Variants in PPP6R3 observed in about 807,000 individuals in gnomAD.
The protein encoded by PPP6R3 is protein phosphatase 6 regulatory subunit 3.
In PPP6R3, 38 loss-of-function variants were observed where a neutral mutation model predicts 110.7. The observed-to-expected ratio is 0.34, with a 90% CI of 0.26 to 0.45. The LOEUF (loss-of-function observed/expected upper bound fraction) is 0.45. Among genes scored for constraint, PPP6R3 ranks in the 20% least tolerant of loss-of-function variants. The probability of loss-of-function intolerance (pLI) is 1.00; values close to 1 mark genes in which losing one functional copy is unlikely to be tolerated. For missense variants in PPP6R3, 870 were observed against 1,062.4 expected, an observed-to-expected ratio of 0.82 and a Z score of 2.52; for synonymous variants, 369 against 373.5, an observed-to-expected ratio of 0.99 and a Z score of 0.14.
At chr11:68,579,325 A>T (rs1163464455) in intron 14 of PPP6R3, among the ~76,000 whole-genome samples, 1 of 152,238 alleles carries the variant, frequency 6.6e-6, no homozygotes, top group African/African-American at 2.4e-5. Flanking sequence ...GAACCTAATC[A>T]TCCAAAGTAA....
intron 1 of PPP6R3, among the ~76,000 whole-genome samples, chr11:68,500,971 G>A (rs1030084902): frequency 6.6e-6 from 1 of 152,188 alleles, no homozygotes; most frequent in African/African-American, 2.4e-5. Flanking sequence ...TTTTCTGTGT[G>A]TACGGGAGGC....
At chr11:68,533,885 C>T (rs1250216446) in intron 2 of PPP6R3, among the ~76,000 whole-genome samples, 3 of 152,094 alleles carry the variant, frequency 2.0e-5, no homozygotes, top group Non-Finnish European at 2.9e-5. Context: ...AGCACACGGG[C>T]TCTGCTACAG....
In PPP6R3 at chr11:68,615,086, GGGAC is replaced by G. The variant is rs778937286; in HGVS notation, c.*1970_*1973del. On this transcript the variant is annotated 3_prime_UTR_variant, in exon 24 of 24. Coordinates refer to ENST00000393800, the MANE Select transcript of PPP6R3 (RefSeq NM_001164161.2). ...CACTGACTGCTGGGAGAGAGCCTCT[GGGAC>G]TTTTCTTTGGGGCATCATTTTGTTT... 4.3e-5 allele frequency: 20 copies of G among 468,936 alleles called. No individual in the cohort carries two copies. Among genetic ancestry groups the G allele is most frequent in the Non-Finnish European group, 7.2e-5 (17 of 235,446 alleles). 29.0% of individuals were successfully genotyped at this position (468,936 alleles called of 1,614,324 possible).
At chr11:68,532,867 G>T (rs1246807748) in intron 2 of PPP6R3, among the ~76,000 whole-genome samples, 1 of 152,230 alleles carries the variant, frequency 6.6e-6, no homozygotes, top group African/African-American at 2.4e-5. Context: ...TAGCCTAGGT[G>T]TGTAGTAGGC....
chr11:68,532,060 T>C (rs1592658503), intron 2 of PPP6R3, among the ~76,000 whole-genome samples: 1 of 152,348 alleles, frequency 6.6e-6, no homozygotes, highest in East Asian at 1.9e-4. Context: ...CTCTTATAAA[T>C]AATTTAGCCA....
chr11:68,595,749 G>A (rs1276324143), intron 18 of PPP6R3, among the ~76,000 whole-genome samples: 1 of 152,164 alleles, frequency 6.6e-6, no homozygotes, highest in African/African-American at 2.4e-5. Context: ...ATATAAGATG[G>A]CAAATAAGCA....
intron 1 of PPP6R3, among the ~76,000 whole-genome samples, chr11:68,494,094 C>T (rs2099000653): frequency 8.7e-6 from 1 of 115,234 alleles, no homozygotes; most frequent in Non-Finnish European, 1.7e-5. Flanking sequence ...CTGAGCGAGA[C>T]TCCATCTCAA....
At chr11:68,576,168 C>T (rs2153806924) in intron 14 of PPP6R3, 125 bp downstream of exon 14, 3 of 679,296 alleles carry the variant, frequency 4.4e-6, no homozygotes, top group Non-Finnish European at 7.2e-6. Flanking sequence ...ATTCTTATCT[C>T]TTTACCAGGG....
intron 2 of PPP6R3, among the ~76,000 whole-genome samples, chr11:68,521,567 T>C (rs2099164396): frequency 6.6e-6 from 1 of 152,158 alleles, no homozygotes; most frequent in Non-Finnish European, 1.5e-5. Context: ...AGTCCTAGAA[T>C]CAATGCCAGG....
chr11:68,480,802 A>G (rs2098902699), intron 1 of PPP6R3, among the ~76,000 whole-genome samples: 1 of 152,196 alleles, frequency 6.6e-6, no homozygotes, highest in Non-Finnish European at 1.5e-5. Context: ...TTTTGCTAAG[A>G]GTTAGCAAAT....
chr11:68,584,938 AG>A (rs1381195160), intron 15 of PPP6R3, among the ~76,000 whole-genome samples: 1 of 152,238 alleles, frequency 6.6e-6, no homozygotes, highest in Non-Finnish European at 1.5e-5. Flanking sequence ...AATGCAAAAA[AG>A]GTCTTGGTTA....
At chr11:68,577,873 A>G (rs1374591910) in intron 14 of PPP6R3, among the ~76,000 whole-genome samples, 2 of 152,236 alleles carry the variant, frequency 1.3e-5, no homozygotes, top group Non-Finnish European at 2.9e-5. Context: ...TCTAAAGTCA[A>G]ACAAAATCAT....
intron 1 of PPP6R3, among the ~76,000 whole-genome samples, chr11:68,502,810 G>A (rs1460881869): frequency 2.6e-5 from 4 of 152,210 alleles, no homozygotes; most frequent in Admixed American, 6.5e-5. Context: ...CCATTTTGGA[G>A]ATTAAATACC....
At chr11:68,485,285 T>C (rs935588204) in intron 1 of PPP6R3, among the ~76,000 whole-genome samples, 10 of 144,264 alleles carry the variant, frequency 6.9e-5, no homozygotes, top group Non-Finnish European at 1.1e-4. Context: ...TTTTTTTTTT[T>C]TTTTTTTCAA....
In PPP6R3 at chr11:68,545,197, A is replaced by G. The variant is rs2099344742; in HGVS notation, c.414+173A>G. Reference sequence around the variant, plus strand: ...CTCACATACTATTTGTATGTTAATGAATATTTCTAATATGGCATAATCTCA... The same window carrying G: ...CTCACATACTATTTGTATGTTAATGGATATTTCTAATATGGCATAATCTCA... On this transcript the variant is annotated intron_variant, in intron 4 of 23. Transcript: ENST00000393800. Among the ~76,000 whole-genome samples the G allele has an allele frequency of 2.0e-5, 3 of 152,208 alleles. No individual in the cohort carries two copies. The South Asian group carries it at 6.2e-4, about 31-fold the overall frequency.
intron 8 of PPP6R3, among the ~76,000 whole-genome samples, chr11:68,563,338 G>T (rs2099435385): frequency 6.6e-6 from 1 of 152,108 alleles, no homozygotes; most frequent in Admixed American, 6.5e-5. Context: ...GCATTCCTTG[G>T]CTTGTGACCC....
chr11:68,499,239 G>A (rs2099035317), intron 1 of PPP6R3, among the ~76,000 whole-genome samples: 1 of 152,102 alleles, frequency 6.6e-6, no homozygotes, highest in Non-Finnish European at 1.5e-5. Flanking sequence ...ACTTGGGAGT[G>A]GCATGGTTGT....
intron 1 of PPP6R3, among the ~76,000 whole-genome samples, chr11:68,502,381 C>T (rs1260399089): frequency 1.3e-5 from 2 of 151,952 alleles, no homozygotes; most frequent in African/African-American, 2.4e-5. Context: ...GCTCAAAAGC[C>T]GTATGTGGCC....
chr11:68,585,305 C>T (rs1196047111), intron 15 of PPP6R3, among the ~76,000 whole-genome samples: 1 of 152,218 alleles, frequency 6.6e-6, no homozygotes, highest in African/African-American at 2.4e-5. Flanking sequence ...GAAACACTGA[C>T]TCATCATTTC....
Sources: gnomAD v4.1 joint callset for allele counts (sites outside exome capture counted in the v4.1 genomes callset) on GRCh38, gnomAD v4.1.1 for gene constraint, MANE v1.5 for transcripts, NCBI Gene and HGNC (gene_info 2026-07-23, HGNC 2026-07-21) for gene names.